Variants in TRAK1 observed in about 807,000 individuals in gnomAD.
TRAK1 encodes the protein trafficking kinesin-binding protein 1.
Under a neutral mutation model 92.1 loss-of-function variants are expected in TRAK1, and 33 were observed. The observed-to-expected ratio is 0.36, with a 90% CI of 0.27 to 0.48. The LOEUF (loss-of-function observed/expected upper bound fraction) is 0.48. Ranked by LOEUF, TRAK1 falls within the 20% of genes least tolerant of loss-of-function variation. TRAK1 has a pLI of 0.99. For missense variants in TRAK1, 1,123 were observed against 1,257.9 expected (o/e 0.89, Z 1.62); for synonymous variants, 521 against 517.3 (o/e 1.01, Z -0.10).
At chr3:42,207,785 G>A (rs1001740443) in intron 13 of TRAK1, among the ~76,000 whole-genome samples, 2 of 152,288 alleles carry the variant, frequency 1.3e-5, no homozygotes, top group Middle Eastern at 3.4e-3. Flanking sequence ...ACTTCCTTTA[G>A]GAAGTGGGTC....
At chr3:42,194,729 G>A (rs1471391379) in intron 9 of TRAK1, 75 bp from the exon 10 acceptor site, 47 of 1,546,918 alleles carry the variant, frequency 3.0e-5, no homozygotes, top group East Asian at 3.0e-4. Flanking sequence ...TGTCTTTCTG[G>A]CCTTCGGATG....
chr3:42,155,986 G>C (rs968411257), intron 2 of TRAK1, among the ~76,000 whole-genome samples: 6 of 152,150 alleles, frequency 3.9e-5, no homozygotes, highest in African/African-American at 1.4e-4. Flanking sequence ...CCTGTCCAGT[G>C]TTCCTGGAGA....
At chr3:42,062,149 T>C (rs1576214604) in intron 1 of TRAK1, among the ~76,000 whole-genome samples, 1 of 152,204 alleles carries the variant, frequency 6.6e-6, no homozygotes, top group Non-Finnish European at 1.5e-5. Context: ...GTCACTCACC[T>C]TCTAACATGT....
intron 2 of TRAK1, chr3:42,160,516 G>C (rs753003476): frequency 1.9e-6 from 3 of 1,577,474 alleles, no homozygotes; most frequent in Non-Finnish European, 2.6e-6. Flanking sequence ...TTCCTTGTTA[G>C]TATCTAAATA....
At chr3:42,015,932 G>A (rs1701505829) in intron 1 of TRAK1, among the ~76,000 whole-genome samples, 2 of 152,122 alleles carry the variant, frequency 1.3e-5, no homozygotes, top group Non-Finnish European at 2.9e-5. Context: ...AGCTACTAAG[G>A]AGGGTGAGTC....
At chr3:42,091,735 C>T (rs1336326073) in intron 1 of TRAK1, among the ~76,000 whole-genome samples, 175 bp downstream of exon 1, 1 of 152,092 alleles carries the variant, frequency 6.6e-6, no homozygotes, top group Non-Finnish European at 1.5e-5. Context: ...AAAGGGACTT[C>T]AGAGACACAA....
intron 1 of TRAK1, among the ~76,000 whole-genome samples, chr3:42,111,964 C>T (rs1708470835): frequency 6.7e-6 from 1 of 149,750 alleles, no homozygotes; most frequent in African/African-American, 2.5e-5. Context: ...ACTTCCCGAG[C>T]TTCTCCCTTT....
At chr3:42,215,500 G>T (rs2149527370) in intron 14 of TRAK1, among the ~76,000 whole-genome samples, 1 of 66,030 alleles carries the variant, frequency 1.5e-5, no homozygotes, top group South Asian at 4.4e-4. Context: ...GCCACTGTTG[G>T]GGTGTGTGTG....
At chr3:42,081,243 C>G (rs1476081618) in intron 1 of TRAK1, among the ~76,000 whole-genome samples, 1 of 152,154 alleles carries the variant, frequency 6.6e-6, no homozygotes, top group Admixed American at 6.5e-5. Context: ...TCGAGCCAGC[C>G]TAGAGAGCCC....
chr3:42,101,657 A>G (rs144967149), intron 1 of TRAK1, among the ~76,000 whole-genome samples: 3 of 152,360 alleles, frequency 2.0e-5, no homozygotes, highest in African/African-American at 7.2e-5. Context: ...CACATGAAGC[A>G]GCCATAGACA....
chr3:42,077,038 G>C (rs1429458784), intron 1 of TRAK1, among the ~76,000 whole-genome samples: 1 of 152,186 alleles, frequency 6.6e-6, no homozygotes, highest in Non-Finnish European at 1.5e-5. Flanking sequence ...CTGTAGCCTT[G>C]TAGTATAGTT....
At chr3:42,213,431 A>G (rs1327593411) in intron 14 of TRAK1, among the ~76,000 whole-genome samples, 1 of 152,216 alleles carries the variant, frequency 6.6e-6, no homozygotes, top group African/African-American at 2.4e-5. Context: ...AAAATTCCCT[A>G]AATCTCCAGC....
At chr3:42,023,197 C>T (rs1357379718) in intron 1 of TRAK1, among the ~76,000 whole-genome samples, 2 of 149,176 alleles carry the variant, frequency 1.3e-5, no homozygotes, top group Non-Finnish European at 3.0e-5. Context: ...AATAAATATT[C>T]CTGGGAGTTT....
intron 1 of TRAK1, among the ~76,000 whole-genome samples, chr3:42,112,437 A>G (rs796951833): frequency 1.3e-5 from 2 of 148,792 alleles, no homozygotes; most frequent in Non-Finnish European, 1.5e-5. Context: ...CAAAAAAAAA[A>G]GGAAACAATT....
intron 1 of TRAK1, among the ~76,000 whole-genome samples, chr3:42,024,764 A>C (rs2148884712): frequency 6.6e-6 from 1 of 152,328 alleles, no homozygotes; most frequent in Non-Finnish European, 1.5e-5. Flanking sequence ...TTGTGTTACC[A>C]AGCCTGAGTT....
intron 1 of TRAK1, among the ~76,000 whole-genome samples, chr3:42,068,371 G>A (rs1475552378): frequency 6.6e-6 from 1 of 151,960 alleles, no homozygotes; most frequent in East Asian, 1.9e-4. Context: ...TCACTATGTT[G>A]CCCAGGCTGG....
intron 1 of TRAK1, among the ~76,000 whole-genome samples, chr3:42,123,321 C>T (rs1710139430): frequency 6.6e-6 from 1 of 152,262 alleles, no homozygotes; most frequent in South Asian, 2.1e-4. Context: ...CAGTTACTGC[C>T]TTTCTGCCTT....
chr3:42,085,547 T>G (rs1356487585), upstream of TRAK1, among the ~76,000 whole-genome samples: 1 of 152,252 alleles, frequency 6.6e-6, no homozygotes, highest in Non-Finnish European at 1.5e-5. Flanking sequence ...GAATTCCTGG[T>G]GTATTTTGGT....
At chr3:42,121,580 T>C (rs754446196) in intron 1 of TRAK1, among the ~76,000 whole-genome samples, 1 of 152,098 alleles carries the variant, frequency 6.6e-6, no homozygotes, top group African/African-American at 2.4e-5. Flanking sequence ...TCTTGAAGAC[T>C]CTTCTGTTAC....
Sources: allele counts gnomAD v4.1 joint callset (sites outside exome capture counted in the v4.1 genomes callset), GRCh38; gene constraint gnomAD v4.1.1; transcripts MANE v1.5; gene names NCBI Gene and HGNC (gene_info 2026-07-23, HGNC 2026-07-21).